Variants in GCC2 observed in about 807,000 individuals in gnomAD.
GCC2 encodes GRIP and coiled-coil domain-containing protein 2.
Under a neutral mutation model 210.6 loss-of-function variants are expected in GCC2, and 120 were observed. The observed-to-expected ratio is 0.57, with a 90% CI of 0.49 to 0.66. GCC2 has a LOEUF of 0.66. GCC2 is among the 30% of genes least tolerant of loss of function. The pLI is 0.00. For synonymous variants in GCC2, 703 were observed against 652.7 expected (o/e 1.08, Z -1.17); for missense variants, 1,868 against 1,871.9 (o/e 1.00, Z 0.04).
chr2:108,449,588 A>G (rs754734319), intron 1 of GCC2, 45 bp from the exon 2 acceptor site: 42 of 1,570,580 alleles, frequency 2.7e-5, no homozygotes, highest in East Asian at 2.2e-5. Flanking sequence ...GTGTGGAATT[A>G]GGAAAAGAGT....
chr2:108,466,343 C>T (rs2718713), intron 4 of GCC2, among the ~76,000 whole-genome samples: 8,968 of 151,878 alleles, frequency 0.059, 286 homozygotes, highest in African/African-American at 0.08. Context: ...ACCCGGCCAA[C>T]ATCCATTTTC....
chr2:108,475,435 C>A, intron 7 of GCC2, 100 bp from the exon 8 acceptor site: 1 of 530,348 alleles, frequency 1.9e-6, no homozygotes, highest in Non-Finnish European at 3.3e-6. Flanking sequence ...TATCAAATTA[C>A]CAATTTTGTG....
chr2:108,498,427 C>T (rs1267891466), intron 21 of GCC2, among the ~76,000 whole-genome samples: 3 of 151,900 alleles, frequency 2.0e-5, no homozygotes, highest in Non-Finnish European at 2.9e-5. Context: ...ATCTCCTGAC[C>T]TCGTGATCTG....
At chr2:108,473,998 A>G (rs1681374968) in intron 7 of GCC2, among the ~76,000 whole-genome samples, 1 of 149,574 alleles carries the variant, frequency 6.7e-6, no homozygotes, top group African/African-American at 2.4e-5. Flanking sequence ...CTAAAAATCA[A>G]AAAAAAAAAA....
chr2:108,507,411 C>CA, intron 22 of GCC2, 149 bp from the exon 23 acceptor site: 9 of 364,720 alleles, frequency 2.5e-5, no homozygotes, highest in East Asian at 9.9e-5. Flanking sequence ...AAGAACCCCC[C>CA]CCCCCAAAAA....
chr2:108,482,421 T>C lies in GCC2; in HGVS notation c.3315T>C (p.Ala1105=). 1 of 1,576,076 alleles carries C rather than the reference T, an allele frequency of 6.3e-7. No individual in the cohort carries two copies. The highest frequency in any genetic ancestry group is 8.7e-7 in the Non-Finnish European group (1 of 1,148,832). ...CAATGGTAGACAAAGAATTAGAAGC[T>C]GAAAAACTTCAGAAAGAACAGAAGA... is the stretch of plus-strand genomic sequence containing the variant. ...AKAMVDKELE[A]EKLQKEQKIK... The change falls in exon 11 of 23, where the codon GCT becomes GCC. Residue 1105 remains alanine (A), a synonymous_variant. Coordinates refer to ENST00000309863, the MANE Select transcript of GCC2 (RefSeq NM_181453.4).
intron 21 of GCC2, among the ~76,000 whole-genome samples, chr2:108,498,959 G>A (rs879715400): frequency 2.0e-5 from 3 of 149,562 alleles, no homozygotes; most frequent in Non-Finnish European, 4.4e-5. Context: ...CCAACCCATG[G>A]CTCCAGTTAG....
rs1411197349 is a variant in GCC2 at position 108,492,704 on chromosome 2, A to G, written c.4361A>G (p.His1454Arg). 6.2e-7 allele frequency: 1 copy of G among 1,614,120 alleles called. No homozygotes were observed. Among genetic ancestry groups the G allele is most frequent in the African/African-American group, 1.3e-5 (1 of 75,060 alleles). The part of the protein sequence containing the change: ...RDQVRHLQEE[H>R]RKTVETLQQQ... ...CAAGTGCGACATTTGCAGGAAGAAC[A>G]CAGAAAGACAGTGGAGACATTACAG... Residue 1454 changes from histidine (H) to arginine (R), a missense_variant, in exon 19 of 23, where the codon CAC becomes CGC. His to Arg is a conservative substitution (Grantham distance 29). Coordinates refer to ENST00000309863, the MANE Select transcript of GCC2 (RefSeq NM_181453.4).
At chr2:108,477,110 C>T (rs1681579826) in intron 9 of GCC2, among the ~76,000 whole-genome samples, 1 of 151,866 alleles carries the variant, frequency 6.6e-6, no homozygotes, top group Non-Finnish European at 1.5e-5. Context: ...TGGATCTTGA[C>T]AGAATTCTAA....
At chr2:108,494,605 A>G (rs2104502223) in intron 19 of GCC2, 1 of 152,300 alleles carries the variant, frequency 6.6e-6, no homozygotes, top group South Asian at 2.1e-4. Flanking sequence ...AATCTGAAAT[A>G]CCTAATCCTG....
chr2:108,468,263 ACCATGTTG>A (rs1234168385), intron 4 of GCC2, among the ~76,000 whole-genome samples: 1 of 151,902 alleles, frequency 6.6e-6, no homozygotes, highest in African/African-American at 2.4e-5. Flanking sequence ...ACAGAGTTTC[ACCATGTTG>A]CCCAGGCTGG....
At position 108,509,229 on chromosome 2, in the gene GCC2, G is replaced by A. The variant is rs1683364100; in HGVS notation, c.*1599G>A. ...TTTGACTTTAGACCTTTTGAAGTCT[G>A]TATAAACTTGTTTTGAAATATAGTC... is the stretch of plus-strand genomic sequence containing the variant. On this transcript the variant is annotated 3_prime_UTR_variant, in exon 23 of 23. Transcript: ENST00000309863. 6.6e-6 allele frequency: 1 copy of A among 152,580 alleles called. No individual in the cohort carries two copies. Among genetic ancestry groups the A allele is most frequent in the Non-Finnish European group, 1.5e-5 (1 of 68,038 alleles). The allele number at this position is 152,580 out of a possible 1,614,324, so 9.5% of individuals were successfully genotyped here.
chr2:108,496,921 T>G, intron 20 of GCC2, 49 bp from the exon 21 acceptor site: 1 of 1,609,882 alleles, frequency 6.2e-7, no homozygotes, highest in Non-Finnish European at 8.5e-7. Flanking sequence ...AGAATCTTCA[T>G]CTTTAATGTA....
chr2:108,504,997 G>T (rs1271581291), intron 22 of GCC2, among the ~76,000 whole-genome samples: 3 of 152,148 alleles, frequency 2.0e-5, no homozygotes, highest in Admixed American at 6.5e-5. Context: ...GATTTGCTGA[G>T]GATATAGAAC....
intron 3 of GCC2, 120 bp downstream of exon 3, chr2:108,451,232 T>G (rs13411256): frequency 0.42 from 259,011 of 618,160 alleles, 59,804 homozygotes; most frequent in East Asian, 0.83. Context: ...CAAGTACACC[T>G]TAGTGTAGTA....
intron 22 of GCC2, among the ~76,000 whole-genome samples, chr2:108,502,909 G>A (rs1287841851): frequency 1.6e-5 from 2 of 125,816 alleles, no homozygotes; most frequent in African/African-American, 5.9e-5. Flanking sequence ...AGCAACAAGA[G>A]CAAAACCCTG....
intron 4 of GCC2, among the ~76,000 whole-genome samples, chr2:108,468,486 A>ACT (rs550582240): frequency 6.4e-4 from 97 of 151,652 alleles, no homozygotes; most frequent in African/African-American, 2.3e-3. Context: ...TGGCTTATTG[A>ACT]TTTTTTTTTC....
chr2:108,492,585 ACAGT>A lies in GCC2; in HGVS notation c.4246_4249del (p.Ser1416ArgfsTer3). 1.2e-6 allele frequency: 2 copies of A among 1,606,392 alleles called. No homozygotes were observed. Among genetic ancestry groups the A allele is most frequent in the East Asian group, 2.2e-5 (1 of 44,858 alleles). ...TCTCATCTTTCAGATTGTGTTCAAT[ACAGT>A]CAGAGAACATGATGATGAAATCTGA... On this transcript the variant is annotated frameshift_variant, in exon 19 of 23. Coordinates refer to ENST00000309863, the MANE Select transcript of GCC2 (RefSeq NM_181453.4). LOFTEE classifies it high-confidence loss of function.
rs546710544 is a variant in GCC2 at position 108,506,738 on chromosome 2, C to T, written c.4985-822C>T. On this transcript the variant is annotated intron_variant, in intron 22 of 22. Coordinates refer to ENST00000309863, the MANE Select transcript of GCC2 (RefSeq NM_181453.4). ...TTAAAAGAATTTTTTTTTAAATCCT[C>T]TTATCGTCAACAATACTTAGTTGTG... Among the ~76,000 whole-genome samples the T allele has an allele frequency of 9.9e-5, 15 of 152,248 alleles. No individual in the cohort carries two copies. In the East Asian group the frequency reaches 2.5e-3, roughly 25 times the overall value.
Sources: gnomAD v4.1 joint callset for allele counts (sites outside exome capture counted in the v4.1 genomes callset) on GRCh38, gnomAD v4.1.1 for gene constraint, MANE v1.5 for transcripts, NCBI Gene and HGNC (gene_info 2026-07-23, HGNC 2026-07-21) for gene names.